The following INPP4B variants were observed in gnomAD, a reference collection of about 807,000 sequenced individuals.
The protein encoded by INPP4B is inositol polyphosphate-4-phosphatase type II B.
Under a neutral mutation model 122.5 loss-of-function variants are expected in INPP4B, and 55 were observed. That is an observed-to-expected ratio of 0.45 (90% CI 0.36 to 0.56). INPP4B has a LOEUF of 0.56. Among genes scored for constraint, INPP4B ranks in the 20% least tolerant of loss-of-function variants. The probability of loss-of-function intolerance (pLI) is 0.00; values close to 1 mark genes in which losing one functional copy is unlikely to be tolerated. For missense variants in INPP4B, 1,000 were observed against 1,097.7 expected, an observed-to-expected ratio of 0.91 and a Z score of 1.26; for synonymous variants, 403 against 388.7, an observed-to-expected ratio of 1.04 and a Z score of -0.43.
intron 2 of INPP4B, among the ~76,000 whole-genome samples, chr4:142,679,660 T>C (rs1420545332): frequency 1.3e-5 from 2 of 151,748 alleles, no homozygotes; most frequent in African/African-American, 2.4e-5. Flanking sequence ...TGTGACACCA[T>C]CAACACCTCA....
intron 1 of INPP4B, among the ~76,000 whole-genome samples, chr4:142,829,670 A>G (rs1206545996): frequency 6.6e-6 from 1 of 152,208 alleles, no homozygotes; most frequent in Non-Finnish European, 1.5e-5. Context: ...GTGGAGCAAT[A>G]TCCTCAAAGT....
intron 11 of INPP4B, among the ~76,000 whole-genome samples, chr4:142,242,353 G>A (rs1004541344): frequency 2.6e-5 from 4 of 152,054 alleles, no homozygotes; most frequent in African/African-American, 7.2e-5. Context: ...AAACCCACAA[G>A]CTCCTGGCCA....
At chr4:142,411,176 C>G (rs1003550531) in intron 5 of INPP4B, among the ~76,000 whole-genome samples, 23 of 152,162 alleles carry the variant, frequency 1.5e-4, no homozygotes, top group African/African-American at 5.1e-4. Context: ...TTGACTTTCT[C>G]TCTCCCAGCA....
At chr4:142,523,317 T>G (rs1409898615) in intron 2 of INPP4B, among the ~76,000 whole-genome samples, 1 of 152,074 alleles carries the variant, frequency 6.6e-6, no homozygotes, top group Non-Finnish European at 1.5e-5. Flanking sequence ...TGATGGAGCA[T>G]GTTTGGAGTA....
intron 7 of INPP4B, among the ~76,000 whole-genome samples, chr4:142,394,994 T>C (rs187513167): frequency 3.7e-4 from 57 of 152,358 alleles, no homozygotes; most frequent in African/African-American, 1.2e-3. Flanking sequence ...GTTTCTACCA[T>C]CAAAAAGTCA....
rs149555879 is a variant in INPP4B at position 142,732,951 on chromosome 4, T to C, written c.-253-7050A>G. 5.6e-4 allele frequency among the ~76,000 whole-genome samples: 86 copies of C among 152,220 alleles called. 2 individuals carry two copies. The East Asian group carries it at 0.015, about 27-fold the overall frequency. ...CTTTTGTAATTAAGACAGTAACTGG[T>C]ACAAAGACAGACAAATCACATATGA... On this transcript the variant is annotated intron_variant, in intron 1 of 25. Coordinates refer to ENST00000262992, the MANE Select transcript of INPP4B (RefSeq NM_001101669.3).
intron 21 of INPP4B, among the ~76,000 whole-genome samples, chr4:142,121,234 T>G (rs1189178046): frequency 2.0e-5 from 3 of 152,120 alleles, no homozygotes; most frequent in Non-Finnish European, 4.4e-5. Context: ...TGGGTTTTTT[T>G]GTGAGTAAGA....
At chr4:142,436,180 C>T (rs1421991793) in intron 3 of INPP4B, among the ~76,000 whole-genome samples, 1 of 152,172 alleles carries the variant, frequency 6.6e-6, no homozygotes, top group East Asian at 1.9e-4. Flanking sequence ...CTGACCCATC[C>T]CTCCTCACTG....
At chr4:142,066,269 C>T (rs1578780242) in intron 25 of INPP4B, among the ~76,000 whole-genome samples, 1 of 152,170 alleles carries the variant, frequency 6.6e-6, no homozygotes, top group African/African-American at 2.4e-5. Flanking sequence ...TGAAACATCA[C>T]ATTCTACAGT....
rs1191349904 is a variant in INPP4B at position 142,500,184 on chromosome 4, C to T, written c.-190-37458G>A. Among the ~76,000 whole-genome samples the T allele has an allele frequency of 3.3e-5, 5 of 152,288 alleles. No individual in the cohort carries two copies. The East Asian group carries it at 9.7e-4, about 29-fold the overall frequency. On this transcript the variant is annotated intron_variant, in intron 2 of 25. Transcript: ENST00000262992. ...CTTGGCAAAATTCTGAGGAACTTCA[C>T]TTAAGCCCAATAAACTGCTTTTGAG...
At chr4:142,268,670 C>T (rs1264085150) in intron 10 of INPP4B, among the ~76,000 whole-genome samples, 1 of 152,032 alleles carries the variant, frequency 6.6e-6, no homozygotes, top group Non-Finnish European at 1.5e-5. Context: ...AACTATTCAG[C>T]TTTGAAAAGG....
intron 1 of INPP4B, among the ~76,000 whole-genome samples, chr4:142,802,071 G>A (rs897348226): frequency 1.3e-5 from 2 of 152,040 alleles, no homozygotes; most frequent in Non-Finnish European, 2.9e-5. Flanking sequence ...GATCACAGAC[G>A]ATCTCATCCT....
At chr4:142,129,024 C>A (rs919285664) in intron 18 of INPP4B, among the ~76,000 whole-genome samples, 1 of 152,110 alleles carries the variant, frequency 6.6e-6, no homozygotes, top group South Asian at 2.1e-4. Context: ...TTATCGCAAC[C>A]TTTCAGACAC....
chr4:142,818,688 C>A (rs1176538746), intron 1 of INPP4B, among the ~76,000 whole-genome samples: 1 of 152,088 alleles, frequency 6.6e-6, no homozygotes, highest in East Asian at 1.9e-4. Flanking sequence ...CCTCTATACG[C>A]TTTCAAGTGC....
intron 5 of INPP4B, among the ~76,000 whole-genome samples, chr4:142,407,869 C>T (rs993685955): frequency 6.6e-6 from 1 of 151,892 alleles, no homozygotes; most frequent in Non-Finnish European, 1.5e-5. Context: ...GAAATTGGGC[C>T]TTTTTATAAA....
intron 21 of INPP4B, among the ~76,000 whole-genome samples, chr4:142,119,924 C>T (rs1795829829): frequency 6.6e-6 from 1 of 150,768 alleles, no homozygotes; most frequent in Admixed American, 6.7e-5. Flanking sequence ...ATATAGAACT[C>T]ATTACCTAAA....
At chr4:142,054,549 T>C (rs1468693203) in intron 25 of INPP4B, among the ~76,000 whole-genome samples, 1 of 151,254 alleles carries the variant, frequency 6.6e-6, no homozygotes, top group Non-Finnish European at 1.5e-5. Context: ...CACACAATAA[T>C]ATAAAAGTGA....
intron 25 of INPP4B, among the ~76,000 whole-genome samples, chr4:142,049,702 GA>G (rs148198352): frequency 0.015 from 2,217 of 151,810 alleles, 59 homozygotes; most frequent in African/African-American, 0.05. Flanking sequence ...TCTGTAGGAA[GA>G]AAAAAAGAAT....
At chr4:142,724,468 T>C (rs1765091292) in intron 2 of INPP4B, among the ~76,000 whole-genome samples, 1 of 152,118 alleles carries the variant, frequency 6.6e-6, no homozygotes, top group African/African-American at 2.4e-5. Context: ...AGCATTTATC[T>C]CCCTATGCCT....
Sources: allele counts gnomAD v4.1 joint callset (sites outside exome capture counted in the v4.1 genomes callset), GRCh38; gene constraint gnomAD v4.1.1; transcripts MANE v1.5; gene names NCBI Gene and HGNC (gene_info 2026-07-23, HGNC 2026-07-21).